CADPS2: variants seen among roughly 807,000 people sequenced by gnomAD.
CADPS2 encodes calcium dependent secretion activator 2.
Under a neutral mutation model 172.5 loss-of-function variants are expected in CADPS2, and 93 were observed. The ratio of observed to expected loss-of-function variants is 0.54; its 90% CI spans 0.46 to 0.64. The LOEUF is 0.64. Among genes scored for constraint, CADPS2 ranks in the 30% least tolerant of loss-of-function variants. The pLI, the probability that CADPS2 is intolerant of heterozygous loss-of-function variation, is 0.00. For missense variants in CADPS2, 1,420 were observed against 1,565.9 expected (o/e 0.91, Z 1.57); for synonymous variants, 546 against 555.2 (o/e 0.98, Z 0.23).
intron 7 of CADPS2, 117 bp from the exon 8 acceptor site, chr7:122,554,806 C>G: frequency 1.2e-6 from 1 of 820,756 alleles, no homozygotes; most frequent in Non-Finnish European, 1.8e-6. Context: ...CCAAATGTAT[C>G]CAATAAACAA....
At chr7:122,482,917 G>C (rs553911835) in intron 11 of CADPS2, among the ~76,000 whole-genome samples, 33 of 152,138 alleles carry the variant, frequency 2.2e-4, no homozygotes, top group Admixed American at 3.3e-4. Context: ...AGGGAAAGAA[G>C]CAATCTAAAG....
chr7:122,601,972 C>G (rs886075764), intron 6 of CADPS2, among the ~76,000 whole-genome samples: 1 of 151,892 alleles, frequency 6.6e-6, no homozygotes, highest in African/African-American at 2.4e-5. Flanking sequence ...AAACATTCAG[C>G]TTGCCATTAA....
chr7:122,365,385 T>A (rs1039453732), intron 25 of CADPS2, among the ~76,000 whole-genome samples: 3 of 152,194 alleles, frequency 2.0e-5, no homozygotes, highest in Admixed American at 2.0e-4. Flanking sequence ...GTTTTCTTTG[T>A]AAGATTTTTG....
intron 2 of CADPS2, chr7:122,702,271 G>A (rs772828749): frequency 6.2e-7 from 1 of 1,613,748 alleles, no homozygotes; most frequent in South Asian, 1.1e-5. Flanking sequence ...AAATTTCCAT[G>A]CCTTTCAGGT....
chr7:122,388,106 G>A (rs1177599626), intron 23 of CADPS2, among the ~76,000 whole-genome samples: 1 of 152,066 alleles, frequency 6.6e-6, no homozygotes, highest in Non-Finnish European at 1.5e-5. Context: ...GATAAAGAAT[G>A]TAAGCAGATA....
chr7:122,476,807 G>A (rs933016999), intron 12 of CADPS2, among the ~76,000 whole-genome samples: 6 of 152,194 alleles, frequency 3.9e-5, no homozygotes, highest in African/African-American at 1.4e-4. Flanking sequence ...CACAGGCTGT[G>A]AAGACCAAAC....
Position 122,417,090 on chromosome 7 carries a change from T to G in CADPS2, c.2477-926A>C, listed in dbSNP as rs571327417. 2.4e-3 allele frequency among the ~76,000 whole-genome samples: 363 copies of G among 152,320 alleles called. 2 individuals carry two copies. The highest frequency in any genetic ancestry group is 8.3e-3 in the African/African-American group (347 of 41,568). ...CTTCTGGGGAACTTAAAGGGCATTT[T>G]TTTTTCCTACAATAGTTTTCCCTTG... On this transcript the variant is annotated intron_variant, in intron 17 of 29. Transcript: ENST00000449022.
intron 16 of CADPS2, among the ~76,000 whole-genome samples, chr7:122,438,837 A>G (rs2050989909): frequency 6.6e-6 from 1 of 152,118 alleles, no homozygotes; most frequent in Admixed American, 6.6e-5. Flanking sequence ...TTTGTTTTGC[A>G]CATCCCTAAT....
chr7:122,509,800 A>G (rs745551974), intron 9 of CADPS2, among the ~76,000 whole-genome samples: 10 of 152,156 alleles, frequency 6.6e-5, no homozygotes, highest in Admixed American at 6.6e-5. Context: ...GTATAATAAT[A>G]ATACCTACCT....
chr7:122,475,044 AC>A (rs1255272214), intron 12 of CADPS2, among the ~76,000 whole-genome samples: 3 of 152,164 alleles, frequency 2.0e-5, no homozygotes, highest in Non-Finnish European at 4.4e-5. Context: ...AGTTTAAGAG[AC>A]AGGAAAAAGG....
At chr7:122,809,340 C>T (rs1023494480) in intron 1 of CADPS2, among the ~76,000 whole-genome samples, 13 of 149,638 alleles carry the variant, frequency 8.7e-5, no homozygotes, top group East Asian at 2.0e-4. Flanking sequence ...GAGGCCGAGG[C>T]GGGTGGATCA....
chr7:122,663,180 C>T (rs1414743225), intron 3 of CADPS2, 57 bp downstream of exon 3: 1 of 1,268,346 alleles, frequency 7.9e-7, no homozygotes, highest in Admixed American at 2.2e-5. Flanking sequence ...CTTGTAAATA[C>T]TTCATGTTCA....
At chr7:122,552,683 C>G (rs756859992) in intron 8 of CADPS2, among the ~76,000 whole-genome samples, 1 of 151,648 alleles carries the variant, frequency 6.6e-6, no homozygotes, top group Non-Finnish European at 1.5e-5. Context: ...AGTCTTTGTT[C>G]TTGAGACAAG....
chr7:122,463,389 G>A (rs976884123), intron 14 of CADPS2, among the ~76,000 whole-genome samples: 3 of 151,380 alleles, frequency 2.0e-5, no homozygotes, highest in Non-Finnish European at 4.4e-5. Context: ...GCATGATCTC[G>A]GCTCACTGCA....
intron 1 of CADPS2, among the ~76,000 whole-genome samples, chr7:122,788,296 AT>A (rs1300061568): frequency 6.6e-6 from 1 of 152,238 alleles, no homozygotes; most frequent in Non-Finnish European, 1.5e-5. Flanking sequence ...AGAATGAAGC[AT>A]TTCATTTTTG....
chr7:122,464,842 G>A (rs567746236), intron 14 of CADPS2, among the ~76,000 whole-genome samples: 1 of 152,168 alleles, frequency 6.6e-6, no homozygotes, highest in East Asian at 1.9e-4. Flanking sequence ...GCAGAAAAAA[G>A]GACATTAATT....
intron 9 of CADPS2, among the ~76,000 whole-genome samples, chr7:122,494,763 T>C (rs948420588): frequency 6.6e-6 from 1 of 152,192 alleles, no homozygotes; most frequent in Non-Finnish European, 1.5e-5. Flanking sequence ...GTGATACTTG[T>C]GGTTCTTGCT....
intron 2 of CADPS2, among the ~76,000 whole-genome samples, chr7:122,680,824 G>T (rs1421928988): frequency 6.6e-6 from 1 of 152,034 alleles, no homozygotes; most frequent in African/African-American, 2.4e-5. Flanking sequence ...AAAGACACAG[G>T]CACACGTATG....
intron 2 of CADPS2, among the ~76,000 whole-genome samples, chr7:122,732,066 T>A (rs1381722836): frequency 6.6e-6 from 1 of 151,678 alleles, no homozygotes; most frequent in Non-Finnish European, 1.5e-5. Flanking sequence ...TGAACAGTAT[T>A]CATAGTAAAT....
Sources: allele counts gnomAD v4.1 joint callset (sites outside exome capture counted in the v4.1 genomes callset), GRCh38; gene constraint gnomAD v4.1.1; transcripts MANE v1.5; gene names NCBI Gene and HGNC (gene_info 2026-07-23, HGNC 2026-07-21).